The following CCDC192 variants were observed in gnomAD, a reference collection of about 807,000 sequenced individuals.
CCDC192 encodes the protein coiled-coil domain containing 192.
intron 3 of CCDC192, among the ~76,000 whole-genome samples, chr5:127,779,747 C>G (rs765905440): frequency 6.6e-6 from 1 of 151,776 alleles, no homozygotes; most frequent in East Asian, 1.9e-4. Context: ...TTTTATTTTT[C>G]CATAGGTTAT....
In CCDC192 at chr5:127,872,415, A is replaced by G. The variant is rs552096956; in HGVS notation, c.412-3123A>G. On this transcript the variant is annotated intron_variant, in intron 5 of 6. Transcript: ENST00000514853. Reference sequence around the variant, plus strand: ...CCAGAATTATCTTTAAAGTATACCAACTGTACCAACCCTGGAGGCTTTGAG... The same window carrying G: ...CCAGAATTATCTTTAAAGTATACCAGCTGTACCAACCCTGGAGGCTTTGAG... Among the ~76,000 whole-genome samples the G allele has an allele frequency of 7.2e-5, 11 of 152,234 alleles. No homozygotes were observed. The South Asian group carries it at 1.9e-3, about 26-fold the overall frequency.
chr5:127,803,940 A>C (rs1002787407), intron 5 of CCDC192, among the ~76,000 whole-genome samples: 3 of 152,228 alleles, frequency 2.0e-5, no homozygotes, highest in African/African-American at 7.2e-5. Flanking sequence ...CATGCTTAAA[A>C]GTGTAGGACA....
intron 5 of CCDC192, among the ~76,000 whole-genome samples, chr5:127,799,067 A>G (rs1350875649): frequency 6.6e-6 from 1 of 152,148 alleles, no homozygotes; most frequent in Non-Finnish European, 1.5e-5. Flanking sequence ...TTTCATCCAC[A>G]TCTTGGCTGC....
At chr5:127,714,858 A>G (rs1383390013) in intron 2 of CCDC192, among the ~76,000 whole-genome samples, 2 of 152,096 alleles carry the variant, frequency 1.3e-5, no homozygotes, top group Non-Finnish European at 2.9e-5. Context: ...TGTGGTTTTG[A>G]TTTGCATTTT....
At chr5:127,717,928 C>CAAAAAAAAAAAAAAAAAGAAAAA (rs1751729357) in intron 2 of CCDC192, among the ~76,000 whole-genome samples, 2 of 98,074 alleles carry the variant, frequency 2.0e-5, no homozygotes, top group Non-Finnish European at 2.0e-5. Context: ...TAAAGCTAGA[C>CAAAAAAAAAAAAAAAAAGAAAAA]AAAAAAAAAA....
intron 2 of CCDC192, among the ~76,000 whole-genome samples, chr5:127,738,129 G>C (rs980170743): frequency 6.6e-6 from 1 of 151,616 alleles, no homozygotes; most frequent in African/African-American, 2.4e-5. Context: ...AGGCCTGGTG[G>C]TGACAAAATC....
At chr5:127,856,643 G>C (rs912002232) in intron 5 of CCDC192, among the ~76,000 whole-genome samples, 10 of 152,174 alleles carry the variant, frequency 6.6e-5, no homozygotes, top group African/African-American at 2.4e-4. Context: ...CAAGAGACTT[G>C]CAACTCTTCA....
intron 3 of CCDC192, among the ~76,000 whole-genome samples, chr5:127,782,049 G>A (rs1028561129): frequency 1.5e-4 from 23 of 152,066 alleles, no homozygotes; most frequent in African/African-American, 5.6e-4. Context: ...AATGGATTTT[G>A]TCAAATGGTT....
rs184899236 is a variant in CCDC192 at position 127,836,458 on chromosome 5, G to C, written c.411+38296G>C. On this transcript the variant is annotated intron_variant, in intron 5 of 6. Transcript: ENST00000514853. ...CACAGCTCCACTAGGCAGTGCCCCAGTGGGGACTCTGTATGGGGGCTCCAA... is the reference window on the plus strand; with the variant it reads ...CACAGCTCCACTAGGCAGTGCCCCACTGGGGACTCTGTATGGGGGCTCCAA... 1.5e-4 allele frequency among the ~76,000 whole-genome samples: 23 copies of C among 152,326 alleles called. 1 individual carries two copies. The East Asian group carries it at 4.3e-3, about 28-fold the overall frequency.
chr5:127,918,502 T>C (rs1443105989), intron 6 of CCDC192, among the ~76,000 whole-genome samples: 1 of 152,160 alleles, frequency 6.6e-6, no homozygotes, highest in East Asian at 1.9e-4. Context: ...ACTTAGAGGC[T>C]TGTATATATT....
rs781431315 is a variant in CCDC192, at chr5:127,732,227, C to A, written c.115-22041C>A. Reference sequence around the variant, plus strand: ...CAAAAGAAGACATTTATGTGGCCAACAAACATATGGAAAAAAGCTCAGCAT... The same window carrying A: ...CAAAAGAAGACATTTATGTGGCCAAAAAACATATGGAAAAAAGCTCAGCAT... On this transcript the variant is annotated intron_variant, in intron 2 of 6. Transcript: ENST00000514853. Among the ~76,000 whole-genome samples the A allele has an allele frequency of 7.2e-5, 11 of 152,030 alleles. No homozygotes were observed. In the Middle Eastern group the frequency reaches 0.017, roughly 235 times the overall value.
chr5:127,727,855 T>C (rs1045871490), intron 2 of CCDC192, among the ~76,000 whole-genome samples: 1 of 151,290 alleles, frequency 6.6e-6, no homozygotes, highest in Non-Finnish European at 1.5e-5. Context: ...ATAAATGACC[T>C]GATGGAGCTG....
chr5:127,711,642 G>C (rs1157295371), intron 2 of CCDC192, among the ~76,000 whole-genome samples: 1 of 152,060 alleles, frequency 6.6e-6, no homozygotes, highest in Non-Finnish European at 1.5e-5. Flanking sequence ...TTCCTTTGAT[G>C]AGCAAACTTT....
At chr5:127,745,600 A>G (rs1011330902) in intron 2 of CCDC192, among the ~76,000 whole-genome samples, 1 of 152,184 alleles carries the variant, frequency 6.6e-6, no homozygotes, top group Non-Finnish European at 1.5e-5. Flanking sequence ...TAGGTAGACA[A>G]TTTTAAGACA....
intron 3 of CCDC192, among the ~76,000 whole-genome samples, chr5:127,760,775 T>C (rs1754875487): frequency 6.6e-6 from 1 of 151,330 alleles, no homozygotes; most frequent in East Asian, 1.9e-4. Context: ...AGCCCCGTGT[T>C]ATAGTTTGCA....
At chr5:127,735,510 A>C (rs1163725243) in intron 2 of CCDC192, among the ~76,000 whole-genome samples, 1 of 101,536 alleles carries the variant, frequency 9.8e-6, no homozygotes, top group Non-Finnish European at 2.0e-5. Flanking sequence ...TCTGTAAATT[A>C]CCTTGGGCAG....
At chr5:127,707,119 C>T (rs1421763153) in intron 1 of CCDC192, among the ~76,000 whole-genome samples, 2 of 152,096 alleles carry the variant, frequency 1.3e-5, no homozygotes, top group Non-Finnish European at 2.9e-5. Flanking sequence ...TGGTACTAGT[C>T]TAATTGCAGT....
At position 127,712,462 on chromosome 5, in the gene CCDC192, T is replaced by C. The variant is rs1751392426; in HGVS notation, c.114+4702T>C. Among the ~76,000 whole-genome samples the C allele has an allele frequency of 2.6e-5, 4 of 152,352 alleles. No individual in the cohort carries two copies. The South Asian group carries it at 6.2e-4, about 24-fold the overall frequency. ...CCTTGCTTCTTCTCTCACCCTGTGATATCTGCACATTCCTGTTCCTTCCAC... is the reference window on the plus strand; with the variant it reads ...CCTTGCTTCTTCTCTCACCCTGTGACATCTGCACATTCCTGTTCCTTCCAC... On this transcript the variant is annotated intron_variant, in intron 2 of 6. Transcript: ENST00000514853.
At chr5:127,868,360 C>G (rs911098965) in intron 5 of CCDC192, among the ~76,000 whole-genome samples, 1 of 152,138 alleles carries the variant, frequency 6.6e-6, no homozygotes, top group African/African-American at 2.4e-5. Flanking sequence ...CTTCTTGGAG[C>G]TTTATATTAA....
Sources: allele counts gnomAD v4.1 joint callset (sites outside exome capture counted in the v4.1 genomes callset), GRCh38; gene constraint gnomAD v4.1.1; transcripts MANE v1.5; gene names NCBI Gene and HGNC (gene_info 2026-07-23, HGNC 2026-07-21).